CCDC57: variants seen among roughly 807,000 people sequenced by gnomAD.
The protein encoded by CCDC57 is coiled-coil domain containing 57, also known as coiled-coil domain-containing protein 57.
CCDC57 carries 118 observed loss-of-function variants against 118.9 expected under a neutral mutation model. That is an observed-to-expected ratio of 0.99 (90% CI 0.86 to 1.16). The LOEUF is 1.16. CCDC57 is among the 50% of genes most tolerant of loss of function. CCDC57 has a pLI of 0.00. For synonymous variants in CCDC57, 527 were observed against 532.9 expected, an observed-to-expected ratio of 0.99 and a Z score of 0.15; for missense variants, 1,300 against 1,320.7, an observed-to-expected ratio of 0.98 and a Z score of 0.24.
chr17:82,142,247 G>C (rs2040107417), intron 16 of CCDC57, among the ~76,000 whole-genome samples: 1 of 152,012 alleles, frequency 6.6e-6, no homozygotes, highest in Non-Finnish European at 1.5e-5. Context: ...ACTGTATTAT[G>C]AACCAGGATG....
intron 3 of CCDC57, among the ~76,000 whole-genome samples, chr17:82,199,197 G>A (rs1444799838): frequency 6.6e-6 from 1 of 151,656 alleles, no homozygotes; most frequent in Non-Finnish European, 1.5e-5. Flanking sequence ...GCTATAGCAG[G>A]CTGGGTGTGG....
Position 82,130,911 on chromosome 17 carries a change from A to C in CCDC57, c.2578-2314T>G, listed in dbSNP as rs553671544. ...ACTGCAACCTCTGCCTCCTAGGTTC[A>C]AGTGATTCTCCTGGCTCAGCCTCCC... is the stretch of plus-strand genomic sequence containing the variant. On this transcript the variant is annotated intron_variant, in intron 17 of 19. Coordinates refer to ENST00000665763, the Ensembl canonical transcript of CCDC57. Among the ~76,000 whole-genome samples the C allele has an allele frequency of 3.6e-3, 546 of 150,696 alleles. 6 individuals carry two copies. Among genetic ancestry groups the C allele is most frequent in the African/African-American group, 0.013 (519 of 40,972 alleles).
chr17:82,186,410 T>C (rs928543379), intron 8 of CCDC57, among the ~76,000 whole-genome samples: 3 of 152,002 alleles, frequency 2.0e-5, no homozygotes, highest in Non-Finnish European at 4.4e-5. Flanking sequence ...ACATGGAAAA[T>C]GGAAGCACCT....
At chr17:82,116,098 C>CTGT in intron 19 of CCDC57, among the ~76,000 whole-genome samples, 1 of 125,906 alleles carries the variant, frequency 7.9e-6, no homozygotes, top group East Asian at 2.1e-4. Context: ...CGCCCGGCCA[C>CTGT]AACCTTTTTT....
chr17:82,117,619 C>T (rs1336427991), intron 19 of CCDC57, among the ~76,000 whole-genome samples: 1 of 152,066 alleles, frequency 6.6e-6, no homozygotes, highest in Non-Finnish European at 1.5e-5. Context: ...TGCGGCACTA[C>T]ACTCCAGCCT....
chr17:82,155,657 A>AT (rs755541152), intron 15 of CCDC57: 2 of 152,294 alleles, frequency 1.3e-5, no homozygotes, highest in Non-Finnish European at 2.9e-5. Flanking sequence ...TATACCCAAC[A>AT]TAACGGACAC....
At chr17:82,180,488 T>G (rs1226916498) in intron 9 of CCDC57, among the ~76,000 whole-genome samples, 1 of 152,250 alleles carries the variant, frequency 6.6e-6, no homozygotes, top group Non-Finnish European at 1.5e-5. Flanking sequence ...TTTTAGGTTT[T>G]TTTTGGATAC....
At chr17:82,127,547 A>G in intron 19 of CCDC57, 145 bp downstream of exon 18, 1 of 1,434,760 alleles carries the variant, frequency 7.0e-7, no homozygotes, top group Admixed American at 2.9e-5. Flanking sequence ...AGAGGTAAAG[A>G]GACTCCATGC....
Position 82,179,191 on chromosome 17 carries a change from T to G in CCDC57, c.1212-2A>C. ...GCCAGGGACAGCTGTTGCTTGTACCTAAGGACACGTCCAACCGCTCAGCAT... is the reference window on the plus strand; with the variant it reads ...GCCAGGGACAGCTGTTGCTTGTACCGAAGGACACGTCCAACCGCTCAGCAT... On this transcript the variant is annotated splice_acceptor_variant, in intron 9 of 19. Transcript: ENST00000665763. LOFTEE classifies it high-confidence loss of function. 2 of 1,612,528 alleles carry G rather than the reference T, an allele frequency of 1.2e-6. No individual in the cohort carries two copies. The highest frequency in any genetic ancestry group is 1.7e-6 in the Non-Finnish European group (2 of 1,179,270).
At chr17:82,124,697 G>C (rs1303514795) in intron 19 of CCDC57, among the ~76,000 whole-genome samples, 1 of 152,022 alleles carries the variant, frequency 6.6e-6, no homozygotes, top group Non-Finnish European at 1.5e-5. Flanking sequence ...TTGGGAGGCT[G>C]AGGTGGGAGA....
In CCDC57 at chr17:82,172,609, C is replaced by CGCTCT. The variant is rs959370571; in HGVS notation, c.1729+24_1729+28dup. The CGCTCT allele has an allele frequency of 6.2e-5, 96 of 1,539,522 alleles. No homozygotes were observed. The highest frequency in any genetic ancestry group is 8.0e-5 in the Non-Finnish European group (91 of 1,137,854). ...TCCCTCCCTCTCCCCCTTCCTCTCC[C>CGCTCT]GCTCTGTCCGTTTCTCCCACTTACT... On this transcript the variant is annotated intron_variant, in intron 12 of 19. Transcript: ENST00000665763. This position sits in a 1 kb window ranked among gnomAD's most constrained non-coding sequence, Gnocchi z 5.2.
At chr17:82,178,973 C>A in intron 10 of CCDC57, 54 bp downstream of exon 9, 1 of 1,579,666 alleles carries the variant, frequency 6.3e-7, no homozygotes, top group Non-Finnish European at 8.6e-7. Context: ...TCCTGCCCAG[C>A]CCCACCTCTG....
intron 16 of CCDC57, among the ~76,000 whole-genome samples, chr17:82,141,287 G>A (rs919134831): frequency 2.0e-5 from 3 of 150,514 alleles, no homozygotes; most frequent in Non-Finnish European, 3.0e-5. Context: ...TGGTTCAAGC[G>A]ATTCTTCTGC....
At chr17:82,202,862 A>G (rs2049159243) in intron 2 of CCDC57, among the ~76,000 whole-genome samples, 5 of 152,234 alleles carry the variant, frequency 3.3e-5, no homozygotes, top group Admixed American at 3.3e-4. Flanking sequence ...AATAGCTTCA[A>G]CGCAGCACTC....
rs113064189 is a variant in CCDC57 at position 82,171,714 on chromosome 17, C to T, written c.1869G>A (p.Ser623=). ...ACGCGGACTTACCAGTCGTCTCTGT[C>T]GAGGTGCGGACGCTGGGCTGAGACT... The change falls in exon 13 of 20, where the codon TCG becomes TCA. Residue 623 remains serine (S), a synonymous_variant. Coordinates refer to ENST00000665763, the Ensembl canonical transcript of CCDC57. 8.4e-5 allele frequency: 136 copies of T among 1,612,162 alleles called. 3 individuals carry two copies. The African/African-American group carries it at 1.0e-3, about 12-fold the overall frequency.
At chr17:82,101,620 A>C in exon 20 of CCDC57, 7 of 1,359,868 alleles carry the variant, frequency 5.1e-6, no homozygotes, top group Non-Finnish European at 7.1e-6. Flanking sequence ...ACGTAGGTGA[A>C]AGCACAGGCA....
intron 12 of CCDC57, 86 bp from the exon 12 acceptor site, chr17:82,171,939 T>A: frequency 7.2e-7 from 1 of 1,385,140 alleles, no homozygotes; most frequent in South Asian, 1.3e-5. Context: ...AGGGAGCCGA[T>A]GCCAGCTCAT....
At chr17:82,146,207 C>A (rs1310844169) in intron 16 of CCDC57, among the ~76,000 whole-genome samples, 1 of 152,158 alleles carries the variant, frequency 6.6e-6, no homozygotes, top group Admixed American at 6.6e-5. Context: ...GGACGGCTGT[C>A]CCACGTTGAA....
At chr17:82,191,077 G>T (rs371440176) in intron 7 of CCDC57, among the ~76,000 whole-genome samples, 1 of 151,474 alleles carries the variant, frequency 6.6e-6, no homozygotes, top group Non-Finnish European at 1.5e-5. Context: ...TGCCAATCAA[G>T]TAAATCATGA....
Sources: allele counts gnomAD v4.1 joint callset (sites outside exome capture counted in the v4.1 genomes callset), GRCh38; gene constraint gnomAD v4.1.1; non-coding constraint Gnocchi (gnomAD v3.1); transcripts MANE v1.5; gene names NCBI Gene and HGNC (gene_info 2026-07-23, HGNC 2026-07-21).